EEF1A1: variants seen among roughly 807,000 people sequenced by gnomAD.
EEF1A1 encodes the protein elongation factor 1-alpha 1.
Under a neutral mutation model 38.5 loss-of-function variants are expected in EEF1A1, and 1 was observed. The observed-to-expected ratio is 0.03, with a 90% CI of 0.01 to 0.12. The LOEUF (loss-of-function observed/expected upper bound fraction) is 0.12. Among genes scored for constraint, EEF1A1 ranks in the 10% least tolerant of loss-of-function variants. The pLI, the probability that EEF1A1 is intolerant of heterozygous loss-of-function variation, is 1.00. For synonymous variants in EEF1A1, 229 were observed against 203.7 expected (o/e 1.12, Z -1.06); for missense variants, 184 against 588.3 (o/e 0.31, Z 7.11).
rs1490754346 is a variant in EEF1A1, at chr6:73,517,047, CACTGACTTCAAAATGG to C, written c.*747_*762del. The C allele has an allele frequency of 6.6e-6, 1 of 152,236 alleles. No homozygotes were observed. The highest frequency in any genetic ancestry group is 1.9e-4 in the East Asian group (1 of 5,198). 9.4% of individuals were successfully genotyped at this position (152,236 alleles called of 1,614,324 possible). The stretch of plus-strand genomic sequence containing the variant: ...CATCAAACTGGCATAAAGCTTACTC[CACTGACTTCAAAATGG>C]ACCCTTCCACTCATAGGGTGTACAC... On this transcript the variant is annotated 3_prime_UTR_variant, in exon 8 of 8. Transcript: ENST00000309268.
rs764250709 is a variant in EEF1A1, at chr6:73,518,012, T to C, written c.1264+18A>G. 1 of 1,607,376 alleles carries C rather than the reference T, an allele frequency of 6.2e-7. No individual in the cohort carries two copies. Among genetic ancestry groups the C allele is most frequent in the Non-Finnish European group, 8.5e-7 (1 of 1,175,948 alleles). The stretch of plus-strand genomic sequence containing the variant: ...CATCTTTAACACAACTTTTTTACAT[T>C]TAAGTAGTCATCCTTACCCAAAGGT... On this transcript the variant is annotated intron_variant, in intron 7 of 7. Coordinates refer to ENST00000309268, the MANE Select transcript of EEF1A1 (RefSeq NM_001402.6).
Position 73,516,928 on chromosome 6 carries a change from GATTAGTCTA to G in EEF1A1, c.*873_*881del, listed in dbSNP as rs1765532189. On this transcript the variant is annotated 3_prime_UTR_variant, in exon 8 of 8. Coordinates refer to ENST00000309268, the MANE Select transcript of EEF1A1 (RefSeq NM_001402.6). ...GACTCTGCAGGAGAAAAGCAATGTA[GATTAGTCTA>G]ATTTTATAGCTACTTCAAATTGCCA... 6.6e-6 allele frequency: 1 copy of G among 152,188 alleles called. No homozygotes were observed. Among genetic ancestry groups the G allele is most frequent in the South Asian group, 2.1e-4 (1 of 4,824 alleles). The allele number at this position is 152,188 out of a possible 1,614,324, so 9.4% of individuals were successfully genotyped here. A position where few individuals can be genotyped will look rare whatever the true frequency, so the allele number is the denominator to read the frequency against.
chr6:73,518,291 C>G (rs1765572331), intron 6 of EEF1A1, 27 bp from the exon 7 acceptor site: 2 of 1,611,166 alleles, frequency 1.2e-6, no homozygotes. Context: ...GCATTCAGTG[C>G]AAATCCAAAG....
chr6:73,518,891 A>G, intron 4 of EEF1A1, 41 bp downstream of exon 4: 1 of 1,611,104 alleles, frequency 6.2e-7, no homozygotes, highest in Non-Finnish European at 8.5e-7. Context: ...TGAAATCGCC[A>G]TTCCCAGAGC....
At chr6:73,519,788 A>C (rs1765606906) in intron 2 of EEF1A1, 95 bp downstream of exon 2, 3 of 1,551,942 alleles carry the variant, frequency 1.9e-6, no homozygotes, top group Non-Finnish European at 2.6e-6. Context: ...TAGCATTCAG[A>C]TCTAAACCAC....
rs1222783652 is a variant in EEF1A1 at position 73,517,589 on chromosome 6, T to C, written c.*221A>G. ...TGGTCAAGTTGTTTCCATTAAAAAG[T>C]ACTGATTTTAAAAACTAATAACTTA... On this transcript the variant is annotated 3_prime_UTR_variant, in exon 8 of 8. Transcript: ENST00000309268. 1 of 424,094 alleles carries C rather than the reference T, an allele frequency of 2.4e-6. No individual in the cohort carries two copies. Among genetic ancestry groups the C allele is most frequent in the Non-Finnish European group, 4.2e-6 (1 of 239,336 alleles). The allele number at this position is 424,094 out of a possible 1,614,324, so 26.3% of individuals were successfully genotyped here.
In EEF1A1 at chr6:73,518,739, T is replaced by C. The variant is rs1322015935; in HGVS notation, c.731A>G (p.Lys244Arg). 1 of 1,614,202 alleles carries C rather than the reference T, an allele frequency of 6.2e-7. No homozygotes were observed. Among genetic ancestry groups the C allele is most frequent in the Non-Finnish European group, 8.5e-7 (1 of 1,180,028 alleles). Residue 244 changes from lysine to arginine, a missense_variant, in exon 5 of 8, where the codon AAG becomes AGG. Around this residue, in one of 3 missense-constraint regions of EEF1A1, gnomAD observed 46 missense variants for 73.9 expected, o/e 0.62. Coordinates refer to ENST00000309268, the MANE Select transcript of EEF1A1 (RefSeq NM_001402.6). Reference protein sequence around the residue: ...CILPPTRPTDKPLRLPLQDVY... With the variant: ...CILPPTRPTDRPLRLPLQDVY... ...ATCCTGGAGAGGCAGGCGCAAGGGC[T>C]TGTCAGTTGGACGAGTTGGTGGTAG...
chr6:73,516,052 A>T lies in EEF1A1; in HGVS notation c.*1758T>A, dbSNP rs916865356. On this transcript the variant is annotated 3_prime_UTR_variant, in exon 8 of 8. Coordinates refer to ENST00000309268, the MANE Select transcript of EEF1A1 (RefSeq NM_001402.6). ...TTTTTTCTGTCATCCAGCAAATCTT[A>T]GACTATTTACTTGTGTAAACATTAG... is the stretch of plus-strand genomic sequence containing the variant. 1 of 152,178 alleles carries T rather than the reference A, an allele frequency of 6.6e-6. No individual in the cohort carries two copies. The highest frequency in any genetic ancestry group is 2.1e-4 in the South Asian group (1 of 4,828). 9.4% of individuals were successfully genotyped at this position (152,178 alleles called of 1,614,324 possible).
chr6:73,520,007 T>C lies in EEF1A1; in HGVS notation c.20A>G (p.His7Arg). Reference sequence around the variant, plus strand: ...GTGTCCAATGACGACAATGTTGATATGAGTCTTTTCCTTTCCCATTTTGGC... The same window carrying C: ...GTGTCCAATGACGACAATGTTGATACGAGTCTTTTCCTTTCCCATTTTGGC... The part of the protein sequence containing the change: MGKEKT[H>R]INIVVIGHVD... Residue 7 changes from histidine (H) to arginine (R), a missense_variant, in exon 2 of 8, where the codon CAT becomes CGT. By Grantham distance (29) the His-to-Arg change is conservative (BLOSUM62 0). This residue lies in a region of EEF1A1 where 57 missense variants were observed against 228.1 expected (regional missense o/e 0.25). Coordinates refer to ENST00000309268, the MANE Select transcript of EEF1A1 (RefSeq NM_001402.6). 1 of 1,598,768 alleles carries C rather than the reference T, an allele frequency of 6.3e-7. No homozygotes were observed. Among genetic ancestry groups the C allele is most frequent in the Non-Finnish European group, 8.5e-7 (1 of 1,179,468 alleles).
Position 73,516,692 on chromosome 6 carries a change from CT to C in EEF1A1, c.*1117del, listed in dbSNP as rs1181926227. 1 of 152,064 alleles carries C rather than the reference CT, an allele frequency of 6.6e-6. No homozygotes were observed. The highest frequency in any genetic ancestry group is 2.4e-5 in the African/African-American group (1 of 41,394). 9.4% of individuals were successfully genotyped at this position (152,064 alleles called of 1,614,324 possible). A position where few individuals can be genotyped will look rare whatever the true frequency, so the allele number is the denominator to read the frequency against. ...TTTCCTTTTATAACCAAAAAAAAAC[CT>C]TTAGACACTTTTACATATGGGAGGT... On this transcript the variant is annotated 3_prime_UTR_variant, in exon 8 of 8. Transcript: ENST00000309268.
chr6:73,519,830 C>G (rs945713092), intron 2 of EEF1A1, 53 bp downstream of exon 2: 2 of 1,606,410 alleles, frequency 1.2e-6, no homozygotes, highest in East Asian at 4.5e-5. Flanking sequence ...CCTAATGATT[C>G]TGCTGGTAAA....
rs1161801720 is a variant in EEF1A1, at chr6:73,516,614, A to G, written c.*1196T>C. 6.6e-6 allele frequency: 1 copy of G among 152,100 alleles called. No individual in the cohort carries two copies. The highest frequency in any genetic ancestry group is 1.5e-5 in the Non-Finnish European group (1 of 68,018). The allele number at this position is 152,100 out of a possible 1,614,324, so 9.4% of individuals were successfully genotyped here. On this transcript the variant is annotated 3_prime_UTR_variant, in exon 8 of 8. Transcript: ENST00000309268. ...AAAAAATTTTTAAAAACCATCACAC[A>G]AACAGAAAGCATGTCCTTTAATTTT... is the stretch of plus-strand genomic sequence containing the variant.
rs1383231934 is a variant in EEF1A1 at position 73,517,191 on chromosome 6, A to G, written c.*619T>C. On this transcript the variant is annotated 3_prime_UTR_variant, in exon 8 of 8. Coordinates refer to ENST00000309268, the MANE Select transcript of EEF1A1 (RefSeq NM_001402.6). ...ATGCACATCCCAGTAATTTGGAAAC[A>G]TTTTGTTTCCAAAGATTCACTTAAC... 6.6e-6 allele frequency: 1 copy of G among 152,272 alleles called. No individual in the cohort carries two copies. The highest frequency in any genetic ancestry group is 2.4e-5 in the African/African-American group (1 of 41,454). The allele number at this position is 152,272 out of a possible 1,614,324, so 9.4% of individuals were successfully genotyped here.
rs764090095 is a variant in EEF1A1 at position 73,518,279 on chromosome 6, T to A, written c.1030-15A>T. The A allele has an allele frequency of 4.3e-6, 7 of 1,611,244 alleles. No individual in the cohort carries two copies. Among genetic ancestry groups the A allele is most frequent in the Non-Finnish European group, 5.9e-6 (7 of 1,178,186 alleles). On this transcript the variant is annotated splice_polypyrimidine_tract_variant and intron_variant, in intron 6 of 7. Transcript: ENST00000309268. ...AGGATAATCACCTTGGAAAAAAGAT[T>A]TGCATTCAGTGCAAATCCAAAGTCT...
chr6:73,517,518 CTCATT>C lies in EEF1A1; in HGVS notation c.*287_*291del. On this transcript the variant is annotated 3_prime_UTR_variant, in exon 8 of 8. Coordinates refer to ENST00000309268, the MANE Select transcript of EEF1A1 (RefSeq NM_001402.6). ...GTTGACCAAAGGAACACACAGGTTT[CTCATT>C]TAACTTTTTTAATGGGTCTCAAAAT... 2.9e-6 allele frequency: 1 copy of C among 346,386 alleles called. No homozygotes were observed. The highest frequency in any genetic ancestry group is 5.3e-6 in the Non-Finnish European group (1 of 190,384). The allele number at this position is 346,386 out of a possible 1,614,324, so 21.5% of individuals were successfully genotyped here.
At position 73,518,805 on chromosome 6, in the gene EEF1A1, T is replaced by A; in HGVS notation, c.665A>T (p.Asn222Ile). The A allele has an allele frequency of 6.2e-7, 1 of 1,614,160 alleles. No homozygotes were observed. The highest frequency in any genetic ancestry group is 8.5e-7 in the Non-Finnish European group (1 of 1,180,010). ...KGWKVTRKDG[N>I]ASGTTLLEAL... ...CTCAAGCAGCGTGGTTCCACTGGCA[T>A]TGCCATCCTTACGGGTGACTTTCCA... Residue 222 changes from asparagine to isoleucine, a missense_variant, in exon 5 of 8, where the codon AAT (asparagine) becomes ATT (isoleucine). Physicochemically the swap from Asn to Ile is moderately radical, Grantham distance 149. Transcript: ENST00000309268.
rs1422149120 is a variant in EEF1A1, at chr6:73,519,851, G to A, written c.144+32C>T. ...GATTCTGCTGGTAAAACTCATTTTA[G>A]TTGATCTTTCCCTTTCTGGTATTAA... On this transcript the variant is annotated intron_variant, in intron 2 of 7. Coordinates refer to ENST00000309268, the MANE Select transcript of EEF1A1 (RefSeq NM_001402.6). The A allele has an allele frequency of 3.7e-6, 6 of 1,611,164 alleles. No homozygotes were observed. In the African/African-American group the frequency reaches 8.0e-5, roughly 22 times the overall value.
At position 73,519,927 on chromosome 6, in the gene EEF1A1, T is replaced by C. The variant is rs1191192268; in HGVS notation, c.100A>G (p.Ile34Val). The C allele has an allele frequency of 6.2e-7, 1 of 1,611,346 alleles. No individual in the cohort carries two copies. The highest frequency in any genetic ancestry group is 8.5e-7 in the Non-Finnish European group (1 of 1,179,850). The change falls in exon 2 of 8, where the codon ATC becomes GTC. Residue 34 changes from isoleucine to valine, a missense_variant. Transcript: ENST00000309268. ...AATTTTTCAATGGTTCTTTTGTCGA[T>C]GCCACCGCATTTATAGATCAGATGG... is the stretch of plus-strand genomic sequence containing the variant. ...TGHLIYKCGG[I>V]DKRTIEKFEK...
Position 73,517,171 on chromosome 6 carries a change from C to T in EEF1A1, c.*639G>A, listed in dbSNP as rs1439743006. 6.6e-6 allele frequency: 1 copy of T among 152,326 alleles called. No homozygotes were observed. Among genetic ancestry groups the T allele is most frequent in the African/African-American group, 2.4e-5 (1 of 41,454 alleles). 9.4% of individuals were successfully genotyped at this position (152,326 alleles called of 1,614,324 possible). A position where few individuals can be genotyped will look rare whatever the true frequency, so the allele number is the denominator to read the frequency against. The stretch of plus-strand genomic sequence containing the variant: ...ATTTTAACCCACGTTTCAACATGCA[C>T]ATCCCAGTAATTTGGAAACATTTTG... On this transcript the variant is annotated 3_prime_UTR_variant, in exon 8 of 8. Transcript: ENST00000309268.
Sources: gnomAD v4.1 joint callset for allele counts on GRCh38, gnomAD v4.1.1 for gene constraint, gnomAD v4.1.1 regional missense constraint, MANE v1.5 for transcripts, NCBI Gene and HGNC (gene_info 2026-07-23, HGNC 2026-07-21) for gene names.